ADAR: variants seen among roughly 807,000 people sequenced by gnomAD.
ADAR encodes the protein adenosine deaminase RNA specific, also known as double-stranded RNA-specific adenosine deaminase.
In ADAR, 41 loss-of-function variants were observed where a neutral mutation model predicts 113.2. That is an observed-to-expected ratio of 0.36 (90% CI 0.28 to 0.47). ADAR has a LOEUF of 0.47. ADAR is among the 20% of genes least tolerant of loss of function. The pLI is 1.00. For missense variants in ADAR, 1,242 were observed against 1,540.9 expected, an observed-to-expected ratio of 0.81 and a Z score of 3.25; for synonymous variants, 605 against 572.6, an observed-to-expected ratio of 1.06 and a Z score of -0.81.
At chr1:154,598,277 G>T in intron 3 of ADAR, 125 bp downstream of exon 3, 1 of 1,070,744 alleles carries the variant, frequency 9.3e-7, no homozygotes, top group Non-Finnish European at 1.4e-6. Context: ...TAGGGTAGAG[G>T]GAAGAGTGGG....
At chr1:154,625,152 T>C (rs561102649) in intron 1 of ADAR, among the ~76,000 whole-genome samples, 180 of 152,304 alleles carry the variant, frequency 1.2e-3, no homozygotes, top group African/African-American at 3.9e-3. Flanking sequence ...ATCTGGACAA[T>C]GCTGAGTAAA....
chr1:154,615,849 C>A (rs1571144503), intron 1 of ADAR, among the ~76,000 whole-genome samples: 1 of 152,098 alleles, frequency 6.6e-6, no homozygotes, highest in Admixed American at 6.6e-5. Context: ...GAAAATAAAT[C>A]ATCTGTGAAA....
chr1:154,626,823 C>G (rs1485937134), intron 1 of ADAR, among the ~76,000 whole-genome samples: 1 of 152,184 alleles, frequency 6.6e-6, no homozygotes, highest in African/African-American at 2.4e-5. Flanking sequence ...CTCTATTTCC[C>G]TTTTTCCCAT....
intron 1 of ADAR, among the ~76,000 whole-genome samples, chr1:154,618,836 G>A (rs769712480): frequency 9.8e-5 from 15 of 152,322 alleles, no homozygotes; most frequent in Admixed American, 8.5e-4. Context: ...CAGGCCGGCC[G>A]TGGTGGCTTA....
chr1:154,586,436 CCTT>C lies in ADAR; in HGVS notation c.3020-76_3020-74del. ...CACTCCCTGGCGTGGTTTCTATCCT[CCTT>C]AAGCTTGGGCCACAGGCTACATTCA... is the stretch of plus-strand genomic sequence containing the variant. On this transcript the variant is annotated intron_variant, in intron 11 of 14. Coordinates refer to ENST00000368474, the MANE Select transcript of ADAR (RefSeq NM_001111.5). The C allele has an allele frequency of 2.7e-6, 4 of 1,479,016 alleles. No homozygotes were observed. In the South Asian group the frequency reaches 4.7e-5, roughly 17 times the overall value. The allele number at this position is 1,479,016 out of a possible 1,614,324, so 91.6% of individuals were successfully genotyped here. A position where few individuals can be genotyped will look rare whatever the true frequency, so the allele number is the denominator to read the frequency against.
In ADAR at chr1:154,592,715, C is replaced by T. The variant is rs566498542; in HGVS notation, c.2271-2306G>A. On this transcript the variant is annotated intron_variant, in intron 6 of 14. Coordinates refer to ENST00000368474, the MANE Select transcript of ADAR (RefSeq NM_001111.5). ...TGGGAAAGACTTGGGGGAAATGAAG[C>T]GAAGGGGGCAAAACCCAAGAGTTCT... Among the ~76,000 whole-genome samples the T allele has an allele frequency of 9.3e-4, 142 of 152,022 alleles. 2 individuals carry two copies. Among genetic ancestry groups the T allele is most frequent in the Middle Eastern group, 3.4e-3 (1 of 294 alleles).
intron 13 of ADAR, 188 bp from the exon 14 acceptor site, chr1:154,585,532 C>T: frequency 1.1e-6 from 1 of 951,512 alleles, no homozygotes; most frequent in South Asian, 1.5e-5. Flanking sequence ...CAGATTAATT[C>T]CAGACTAAGA....
upstream of ADAR, among the ~76,000 whole-genome samples, chr1:154,609,770 C>T (rs1329364859): frequency 1.3e-5 from 2 of 152,200 alleles, no homozygotes; most frequent in African/African-American, 4.8e-5. Context: ...AATTATGTGG[C>T]AGATACTGTG....
Position 154,608,020 on chromosome 1 carries a change from C to T in ADAR, c.-14G>A, listed in dbSNP as rs940685709. On this transcript the variant is annotated 5_prime_UTR_variant, in exon 1 of 15. An upstream start codon of the reference 5' UTR is lost. Coordinates refer to ENST00000368474, the MANE Select transcript of ADAR (RefSeq NM_001111.5). ...CCGCGGATTCATTGCGCCCGCGAGG[C>T]ATTGCCCGGCCCGACCCGCCGGCGG... 5 of 1,587,696 alleles carry T rather than the reference C, an allele frequency of 3.1e-6. No individual in the cohort carries two copies. The African/African-American group carries it at 4.0e-5, about 13-fold the overall frequency.
chr1:154,598,036 CAGA>C (rs1379138304), intron 3 of ADAR, 60 bp from the exon 4 acceptor site: 6 of 1,571,326 alleles, frequency 3.8e-6, no homozygotes, highest in Non-Finnish European at 5.2e-6. Flanking sequence ...TAGTCCATCA[CAGA>C]AGAAGGGATG....
In ADAR at chr1:154,595,873, C is replaced by T. The variant is rs989591136; in HGVS notation, c.2270+932G>A. Among the ~76,000 whole-genome samples the T allele has an allele frequency of 5.3e-5, 8 of 152,172 alleles. No individual in the cohort carries two copies. The South Asian group carries it at 1.7e-3, about 32-fold the overall frequency. On this transcript the variant is annotated intron_variant, in intron 6 of 14. Transcript: ENST00000368474. Reference sequence around the variant, plus strand: ...CTGCAAGCTCCATTCATGGCAGGCGCCCTATACAGGTGTAGTATTTTTTTA... The same window carrying T: ...CTGCAAGCTCCATTCATGGCAGGCGTCCTATACAGGTGTAGTATTTTTTTA...
Position 154,601,860 on chromosome 1 carries a change from C to T in ADAR, c.782G>A (p.Arg261Lys), listed in dbSNP as rs1325537880. 1.9e-6 allele frequency: 3 copies of T among 1,614,218 alleles called. No individual in the cohort carries two copies. Among genetic ancestry groups the T allele is most frequent in the Middle Eastern group, 3.3e-4 (2 of 6,062 alleles). The change falls in exon 2 of 15, where the codon AGA becomes AAA. Residue 261 changes from arginine (R) to lysine (K), a missense_variant. Around this residue, in one of 2 missense-constraint regions of ADAR, gnomAD observed 462 missense variants for 483.1 expected, o/e 0.96. Transcript: ENST00000368474. This position sits in a 1 kb window ranked among gnomAD's most constrained non-coding sequence, Gnocchi z 4.7. ...QAWNQHSGVV[R>K]PDSHSQGSPN... The stretch of plus-strand genomic sequence containing the variant: ...GGATCCTTGGCTATGACTGTCTGGT[C>T]TTACCACTCCGCTGTGCTGGTTCCA...
At chr1:154,597,677 A>C (rs1697591327) in intron 4 of ADAR, 151 bp downstream of exon 4, 1 of 1,023,654 alleles carries the variant, frequency 9.8e-7, no homozygotes, top group Non-Finnish European at 1.5e-6. Flanking sequence ...TCTGCCTCAC[A>C]AGCAGCAACC....
At chr1:154,593,211 A>G (rs181707345) in intron 6 of ADAR, among the ~76,000 whole-genome samples, 9 of 152,196 alleles carry the variant, frequency 5.9e-5, no homozygotes, top group Admixed American at 5.2e-4. Flanking sequence ...GACAGAAAGG[A>G]AAAAAAGACC....
chr1:154,584,603 G>A lies in ADAR; in HGVS notation c.*203C>T, dbSNP rs1285021620. The A allele has an allele frequency of 5.2e-6, 3 of 577,620 alleles. No individual in the cohort carries two copies. Among genetic ancestry groups the A allele is most frequent in the South Asian group, 4.6e-5 (2 of 43,674 alleles). 35.8% of individuals were successfully genotyped at this position (577,620 alleles called of 1,614,324 possible). A position where few individuals can be genotyped will look rare whatever the true frequency, so the allele number is the denominator to read the frequency against. Reference sequence around the variant, plus strand: ...TGCCTCTTCACTTGGGGGAAAAAAGGGGGGCCTGGCCAGACCTTGCCTAGC... The same window carrying A: ...TGCCTCTTCACTTGGGGGAAAAAAGAGGGGCCTGGCCAGACCTTGCCTAGC... On this transcript the variant is annotated 3_prime_UTR_variant, in exon 15 of 15. Transcript: ENST00000368474.
chr1:154,595,640 A>G lies in ADAR; in HGVS notation c.2270+1165T>C, dbSNP rs1571084271. 2.6e-5 allele frequency among the ~76,000 whole-genome samples: 4 copies of G among 152,170 alleles called. No individual in the cohort carries two copies. The South Asian group carries it at 8.3e-4, about 31-fold the overall frequency. On this transcript the variant is annotated intron_variant, in intron 6 of 14. Transcript: ENST00000368474. ...TATTACAAAAGGAACAAAAAATAAA[A>G]AAGTTAATAAAGTAAAAAATAAAGT...
chr1:154,592,998 G>A (rs1697247868), intron 6 of ADAR, among the ~76,000 whole-genome samples: 1 of 151,924 alleles, frequency 6.6e-6, no homozygotes, highest in Non-Finnish European at 1.5e-5. Context: ...AGTCAGATGT[G>A]GTGGCAGATG....
At chr1:154,622,980 A>C (rs1410137403) in intron 1 of ADAR, among the ~76,000 whole-genome samples, 1 of 152,168 alleles carries the variant, frequency 6.6e-6, no homozygotes, top group African/African-American at 2.4e-5. Context: ...CAATAAATAA[A>C]CAAATAAATA....
chr1:154,601,523 A>G lies in ADAR; in HGVS notation c.1119T>C (p.Pro373=). ...MQIKRNTNSV[P]ETAPAAIPET... is the part of the protein sequence containing the mutation. Reference sequence around the variant, plus strand: ...CAGGGATTGCAGCTGGAGCGGTTTCAGGAACACTGTTCGTATTTCTCTTGA... The same window carrying G: ...CAGGGATTGCAGCTGGAGCGGTTTCGGGAACACTGTTCGTATTTCTCTTGA... Residue 373 remains proline (P), a synonymous_variant, in exon 2 of 15, where the codon CCT becomes CCC. Transcript: ENST00000368474. This position sits in a 1 kb window ranked among gnomAD's most constrained non-coding sequence, Gnocchi z 4.7. 6.2e-7 allele frequency: 1 copy of G among 1,613,670 alleles called. No homozygotes were observed. Among genetic ancestry groups the G allele is most frequent in the South Asian group, 1.1e-5 (1 of 91,080 alleles).
Sources: gnomAD v4.1 joint callset for allele counts (sites outside exome capture counted in the v4.1 genomes callset) on GRCh38, gnomAD v4.1.1 for gene constraint, gnomAD v4.1.1 regional missense constraint, Gnocchi (gnomAD v3.1) non-coding constraint, MANE v1.5 for transcripts, NCBI Gene and HGNC (gene_info 2026-07-23, HGNC 2026-07-21) for gene names.